The following PLEKHD1 variants were observed in gnomAD, a reference collection of about 807,000 sequenced individuals.
PLEKHD1 encodes the protein pleckstrin homology and coiled-coil domain containing D1.
PLEKHD1 carries 51 observed loss-of-function variants against 69.2 expected under a neutral mutation model. That is an observed-to-expected ratio of 0.74 (90% CI 0.59 to 0.93). PLEKHD1 has a LOEUF of 0.93. Among genes scored for constraint, PLEKHD1 ranks in the 40% least tolerant of loss-of-function variants. The pLI is 0.00. For missense variants in PLEKHD1, 584 were observed against 641.0 expected (o/e 0.91, Z 0.96); for synonymous variants, 236 against 244.7 (o/e 0.96, Z 0.33).
Position 69,529,422 on chromosome 14 carries a change from T to C in PLEKHD1, c.*1003T>C, listed in dbSNP as rs1883742629. On this transcript the variant is annotated 3_prime_UTR_variant, in exon 13 of 13. Transcript: ENST00000322564. ...ATAAATAGCTGGGCATGGTGGTGCA[T>C]GCCTGTAGTCCCAGCTACTTGGGAG... 6.6e-6 allele frequency: 1 copy of C among 152,172 alleles called. No homozygotes were observed. The highest frequency in any genetic ancestry group is 1.5e-5 in the Non-Finnish European group (1 of 68,116). 9.4% of individuals were successfully genotyped at this position (152,172 alleles called of 1,614,324 possible).
Position 69,485,102 on chromosome 14 carries a change from A to G in PLEKHD1, c.137A>G (p.Lys46Arg). 1 of 1,550,396 alleles carries G rather than the reference A, an allele frequency of 6.4e-7. No homozygotes were observed. Among genetic ancestry groups the G allele is most frequent in the East Asian group, 2.4e-5 (1 of 40,904 alleles). Residue 46 changes from lysine (K) to arginine (R), a missense_variant, in exon 1 of 13, where the codon AAG becomes AGG. Physicochemically the swap from Lys to Arg is conservative, Grantham distance 26. Coordinates refer to ENST00000322564, the MANE Select transcript of PLEKHD1 (RefSeq NM_001161498.2). Reference protein sequence around the residue: ...WKRPFGRPSAKWSRRFFIIKE... With the variant: ...WKRPFGRPSARWSRRFFIIKE... ...AGGCCTTTCGGCAGGCCGTCGGCCA[A>G]GTGGTCCCGGCGGTGAGTGCGCCCC...
At chr14:69,510,390 A>T (rs1025848045) in intron 6 of PLEKHD1, among the ~76,000 whole-genome samples, 1 of 152,178 alleles carries the variant, frequency 6.6e-6, no homozygotes, top group African/African-American at 2.4e-5. Context: ...TTCTACATAT[A>T]GATTTTGTAC....
chr14:69,490,577 A>G (rs1330852943), intron 1 of PLEKHD1, among the ~76,000 whole-genome samples: 1 of 151,982 alleles, frequency 6.6e-6, no homozygotes, highest in Non-Finnish European at 1.5e-5. Context: ...TTCCAGGGGG[A>G]CTAAGTTTTT....
At chr14:69,482,175 T>C (rs1488356646), upstream of PLEKHD1, among the ~76,000 whole-genome samples, 1 of 152,240 alleles carries the variant, frequency 6.6e-6, no homozygotes, top group Non-Finnish European at 1.5e-5. Flanking sequence ...AAAGATTGGT[T>C]GCTCTTTGTC....
the PLEKHD1 span, among the ~76,000 whole-genome samples, chr14:69,471,293 T>C: frequency 4.0e-5 from 6 of 151,794 alleles, no homozygotes; most frequent in Admixed American, 1.3e-4. Context: ...TTTATTTTTG[T>C]AGAGATGGGG....
In PLEKHD1 at chr14:69,528,456, A is replaced by AT; in HGVS notation, c.*38dup. 1 of 1,541,758 alleles carries AT rather than the reference A, an allele frequency of 6.5e-7. No individual in the cohort carries two copies. Among genetic ancestry groups the AT allele is most frequent in the Non-Finnish European group, 8.7e-7 (1 of 1,143,010 alleles). On this transcript the variant is annotated 3_prime_UTR_variant, in exon 13 of 13. Transcript: ENST00000322564. ...CCCCTGCTTCCCAAGTCTCCCCTGG[A>AT]TGGGCGGGGGAGGGGAAGGGGTGGC...
chr14:69,517,760 T>C (rs1437407400), intron 6 of PLEKHD1, among the ~76,000 whole-genome samples: 3 of 152,150 alleles, frequency 2.0e-5, no homozygotes, highest in African/African-American at 7.2e-5. Context: ...TCCTTCTGCC[T>C]GGAATGCTCC....
At chr14:69,489,056 CA>C (rs1882715963) in intron 1 of PLEKHD1, among the ~76,000 whole-genome samples, 1 of 152,160 alleles carries the variant, frequency 6.6e-6, no homozygotes, top group Non-Finnish European at 1.5e-5. Flanking sequence ...CCAGGTCTGC[CA>C]AAGTTAAGTG....
Position 69,529,231 on chromosome 14 carries a change from C to G in PLEKHD1, c.*812C>G, listed in dbSNP as rs1175619828. The G allele has an allele frequency of 6.6e-6, 1 of 152,290 alleles. No individual in the cohort carries two copies. The highest frequency in any genetic ancestry group is 2.4e-5 in the African/African-American group (1 of 41,432). 9.4% of individuals were successfully genotyped at this position (152,290 alleles called of 1,614,324 possible). A position where few individuals can be genotyped will look rare whatever the true frequency, so the allele number is the denominator to read the frequency against. ...CCAGCAGTGATGCTGGGGGCTCCCCCAGAGGACACGTAACAAGCTCAGGAG... is the reference window on the plus strand; with the variant it reads ...CCAGCAGTGATGCTGGGGGCTCCCCGAGAGGACACGTAACAAGCTCAGGAG... On this transcript the variant is annotated 3_prime_UTR_variant, in exon 13 of 13. Transcript: ENST00000322564.
chr14:69,497,150 T>A (rs1010998574), intron 1 of PLEKHD1, among the ~76,000 whole-genome samples: 1 of 152,188 alleles, frequency 6.6e-6, no homozygotes, highest in African/African-American at 2.4e-5. Flanking sequence ...GGTGGGGTGA[T>A]GAGCGCAATC....
chr14:69,510,839 C>G (rs186180816), intron 6 of PLEKHD1, among the ~76,000 whole-genome samples: 7 of 152,314 alleles, frequency 4.6e-5, no homozygotes, highest in Admixed American at 3.9e-4. Flanking sequence ...CCTTTCTGAT[C>G]TTATCAGGCA....
At chr14:69,504,438 T>C (rs926383612) in intron 6 of PLEKHD1, among the ~76,000 whole-genome samples, 8 of 141,058 alleles carry the variant, frequency 5.7e-5, no homozygotes, top group Middle Eastern at 3.5e-3. Context: ...CCCTGGGCTC[T>C]GAAACAGGCC....
intron 1 of PLEKHD1, among the ~76,000 whole-genome samples, chr14:69,499,151 C>T (rs1269987336): frequency 6.6e-6 from 1 of 151,820 alleles, no homozygotes; most frequent in African/African-American, 2.4e-5. Context: ...AAGAGATTGA[C>T]ATTGTGGGCT....
chr14:69,475,832 A>G, the PLEKHD1 span, among the ~76,000 whole-genome samples: 1 of 151,886 alleles, frequency 6.6e-6, no homozygotes, highest in African/African-American at 2.4e-5. Flanking sequence ...CCCCACCTCA[A>G]CTCTCTCCTG....
At chr14:69,526,173 CT>C in intron 9 of PLEKHD1, 51 bp downstream of exon 9, 18 of 1,487,302 alleles carry the variant, frequency 1.2e-5, no homozygotes, top group Non-Finnish European at 1.6e-5. Flanking sequence ...GGTCTGGGGA[CT>C]TTCCTCGAAC....
chr14:69,497,549 G>T (rs754529857), intron 1 of PLEKHD1, among the ~76,000 whole-genome samples: 1 of 152,268 alleles, frequency 6.6e-6, no homozygotes. Flanking sequence ...GAAGGGTCCC[G>T]CTGGCTGAAG....
the PLEKHD1 span, among the ~76,000 whole-genome samples, chr14:69,477,426 A>G: frequency 2.6e-5 from 4 of 152,132 alleles, no homozygotes; most frequent in Non-Finnish European, 4.4e-5. Flanking sequence ...ATGTACTCAC[A>G]TTTCAAAACC....
intron 1 of PLEKHD1, among the ~76,000 whole-genome samples, chr14:69,493,883 A>C (rs912929403): frequency 6.6e-6 from 1 of 152,222 alleles, no homozygotes; most frequent in Non-Finnish European, 1.5e-5. Flanking sequence ...CTGATGGGCA[A>C]AGCTTCTCCC....
intron 8 of PLEKHD1, 93 bp downstream of exon 8, chr14:69,524,415 G>C: frequency 9.0e-7 from 1 of 1,107,022 alleles, no homozygotes; most frequent in South Asian, 1.4e-5. Flanking sequence ...TCCCCAGGGG[G>C]TGATCTGTAA....
Sources: allele counts gnomAD v4.1 joint callset (sites outside exome capture counted in the v4.1 genomes callset), GRCh38; gene constraint gnomAD v4.1.1; transcripts MANE v1.5; gene names NCBI Gene and HGNC (gene_info 2026-07-23, HGNC 2026-07-21).